Variants in CACNA2D1 observed in about 807,000 individuals in gnomAD.
CACNA2D1 encodes voltage-dependent calcium channel subunit alpha-2/delta-1.
Under a neutral mutation model 171.5 loss-of-function variants are expected in CACNA2D1, and 53 were observed. That is an observed-to-expected ratio of 0.31 (90% CI 0.25 to 0.39). CACNA2D1 has a LOEUF of 0.39. Ranked by LOEUF, CACNA2D1 falls within the 10% of genes least tolerant of loss-of-function variation. CACNA2D1 has a pLI of 1.00. For missense variants in CACNA2D1, 903 were observed against 1,299.8 expected (o/e 0.69, Z 4.69); for synonymous variants, 442 against 443.1 (o/e 1.00, Z 0.03).
chr7:82,076,122 T>A (rs960499362), intron 7 of CACNA2D1, among the ~76,000 whole-genome samples: 5 of 152,122 alleles, frequency 3.3e-5, no homozygotes, highest in African/African-American at 4.8e-5. Flanking sequence ...ACGACCATTA[T>A]CTGTGAAAAA....
At chr7:82,060,777 T>C (rs1806793749) in intron 9 of CACNA2D1, among the ~76,000 whole-genome samples, 3 of 152,062 alleles carry the variant, frequency 2.0e-5, no homozygotes, top group Admixed American at 1.3e-4. Context: ...AATTACATGT[T>C]AAGTGACAAT....
At chr7:82,326,780 A>G (rs1816698376) in intron 3 of CACNA2D1, among the ~76,000 whole-genome samples, 1 of 132,194 alleles carries the variant, frequency 7.6e-6, no homozygotes, top group African/African-American at 2.6e-5. Flanking sequence ...AATGTCTACT[A>G]CTTACTTGAA....
intron 4 of CACNA2D1, among the ~76,000 whole-genome samples, chr7:82,159,218 G>A (rs38535): frequency 1 from 151,392 of 152,064 alleles, 75,365 homozygotes; most frequent in East Asian, 1. Context: ...CTAAAAGTAT[G>A]AAACAAAATA....
intron 7 of CACNA2D1, among the ~76,000 whole-genome samples, chr7:82,070,976 A>G (rs1808249972): frequency 6.6e-6 from 1 of 152,200 alleles, no homozygotes; most frequent in Non-Finnish European, 1.5e-5. Flanking sequence ...TACCAGTATT[A>G]AGAATTATTT....
intron 3 of CACNA2D1, among the ~76,000 whole-genome samples, chr7:82,300,940 A>G (rs2129424937): frequency 6.6e-6 from 1 of 152,302 alleles, no homozygotes; most frequent in East Asian, 1.9e-4. Flanking sequence ...ATTATAATGA[A>G]GCAGTTGATA....
chr7:81,952,705 C>A (rs1015161187), intron 38 of CACNA2D1, among the ~76,000 whole-genome samples: 5 of 151,954 alleles, frequency 3.3e-5, no homozygotes, highest in African/African-American at 1.2e-4. Context: ...CCAGGTGTTA[C>A]TTCTCTCTCC....
At position 81,962,511 on chromosome 7, in the gene CACNA2D1, A is replaced by G. The variant is rs554617855; in HGVS notation, c.2781-16T>C. ...TAGAATAGACCTGAATTTTTCAAAT[A>G]AAAAAAAAATAAACATCTAGGGAAA... is the stretch of plus-strand genomic sequence containing the variant. On this transcript the variant is annotated splice_polypyrimidine_tract_variant and intron_variant, in intron 34 of 38. Coordinates refer to ENST00000356860, the MANE Select transcript of CACNA2D1 (RefSeq NM_000722.4). The G allele has an allele frequency of 1.9e-5, 23 of 1,232,620 alleles. No homozygotes were observed. The South Asian group carries it at 2.4e-4, about 13-fold the overall frequency. 76.4% of individuals were successfully genotyped at this position (1,232,620 alleles called of 1,614,324 possible). A position where few individuals can be genotyped will look rare whatever the true frequency, so the allele number is the denominator to read the frequency against.
chr7:82,062,294 C>A (rs752824882), intron 9 of CACNA2D1, among the ~76,000 whole-genome samples: 2 of 152,120 alleles, frequency 1.3e-5, no homozygotes, highest in Non-Finnish European at 2.9e-5. Flanking sequence ...TCCTCTACCT[C>A]CTCCATAAAT....
At chr7:82,375,982 T>C (rs948307412) in intron 1 of CACNA2D1, among the ~76,000 whole-genome samples, 6 of 152,052 alleles carry the variant, frequency 3.9e-5, no homozygotes, top group African/African-American at 1.4e-4. Flanking sequence ...AGCTGGGGGA[T>C]AGAAAATAGG....
At chr7:81,982,396 T>C (rs1160892411) in intron 24 of CACNA2D1, among the ~76,000 whole-genome samples, 171 bp downstream of exon 24, 1 of 152,150 alleles carries the variant, frequency 6.6e-6, no homozygotes, top group African/African-American at 2.4e-5. Flanking sequence ...CGTATTTGAA[T>C]GAGTAAAGAA....
intron 1 of CACNA2D1, among the ~76,000 whole-genome samples, chr7:82,385,998 C>A (rs775533561): frequency 6.6e-6 from 1 of 152,052 alleles, no homozygotes; most frequent in Non-Finnish European, 1.5e-5. Context: ...TACATTCTAG[C>A]ATTAATATTT....
At position 82,118,466 on chromosome 7, in the gene CACNA2D1, A is replaced by G. The variant is rs377387213; in HGVS notation, c.397-1293T>C. Among the ~76,000 whole-genome samples, 31 of 152,242 alleles carry G rather than the reference A, an allele frequency of 2.0e-4. 1 individual carries two copies. Among genetic ancestry groups the G allele is most frequent in the Admixed American group, 9.8e-4 (15 of 15,288 alleles). On this transcript the variant is annotated intron_variant, in intron 5 of 38. Coordinates refer to ENST00000356860, the MANE Select transcript of CACNA2D1 (RefSeq NM_000722.4). ...TAGAAACAGGTAGAGGGAGAAATGA[A>G]TGGATGTATACATAGCAAGTGTTAC...
intron 5 of CACNA2D1, among the ~76,000 whole-genome samples, chr7:82,132,329 A>G (rs1791087203): frequency 6.6e-6 from 1 of 152,218 alleles, no homozygotes; most frequent in East Asian, 1.9e-4. Flanking sequence ...CTGCTAATTA[A>G]TGATCTCTCA....
chr7:82,070,610 CAGTCTCAAGTCCTAAA>C (rs1233260717), intron 7 of CACNA2D1, among the ~76,000 whole-genome samples: 3 of 152,104 alleles, frequency 2.0e-5, no homozygotes, highest in African/African-American at 7.2e-5. Flanking sequence ...GTGGAGAAAG[CAGTCTCAAGTCCTAAA>C]AGTCTCAGGC....
At chr7:82,305,310 C>A (rs538023550) in intron 3 of CACNA2D1, among the ~76,000 whole-genome samples, 1 of 152,108 alleles carries the variant, frequency 6.6e-6, no homozygotes, top group East Asian at 1.9e-4. Flanking sequence ...AAAAATATTT[C>A]GCTCCAAAAT....
Position 81,974,555 on chromosome 7 carries a change from GA to G in CACNA2D1, c.1956-4del, listed in dbSNP as rs3083235. ...TTTTCAGGTCATTGCAGTAATCTCT[GA>G]AAAAAAAACATTTTGAGATATTAGA... On this transcript the variant is annotated splice_polypyrimidine_tract_variant and splice_region_variant and intron_variant, in intron 24 of 38. Transcript: ENST00000356860. 5.6e-4 allele frequency: 748 copies of G among 1,344,872 alleles called. 4 individuals are homozygous for G. In the African/African-American group the frequency reaches 7.4e-3, roughly 13 times the overall value. 83.3% of individuals were successfully genotyped at this position (1,344,872 alleles called of 1,614,324 possible).
At chr7:82,332,445 A>G (rs1817423274) in intron 3 of CACNA2D1, among the ~76,000 whole-genome samples, 1 of 152,018 alleles carries the variant, frequency 6.6e-6, no homozygotes, top group Non-Finnish European at 1.5e-5. Flanking sequence ...CTACAACAAT[A>G]TCTTGGATAT....
At chr7:82,219,241 A>G (rs1410479978) in intron 3 of CACNA2D1, among the ~76,000 whole-genome samples, 1 of 152,178 alleles carries the variant, frequency 6.6e-6, no homozygotes, top group African/African-American at 2.4e-5. Context: ...AATCTCTGCT[A>G]CTTAGTAGGA....
At chr7:82,057,226 A>G (rs975406507) in intron 10 of CACNA2D1, among the ~76,000 whole-genome samples, 2 of 152,168 alleles carry the variant, frequency 1.3e-5, no homozygotes, top group Non-Finnish European at 2.9e-5. Context: ...GAATATTTGC[A>G]TCATGAAAAT....
Sources: allele counts gnomAD v4.1 joint callset (sites outside exome capture counted in the v4.1 genomes callset), GRCh38; gene constraint gnomAD v4.1.1; transcripts MANE v1.5; gene names NCBI Gene and HGNC (gene_info 2026-07-23, HGNC 2026-07-21).